The following FAM13B variants were observed in gnomAD, a reference collection of about 807,000 sequenced individuals.
FAM13B encodes family with sequence similarity 13 member B.
FAM13B carries 60 observed loss-of-function variants against 117.3 expected under a neutral mutation model. That is an observed-to-expected ratio of 0.51 (90% confidence interval 0.42 to 0.63). The LOEUF is 0.63. Among genes scored for constraint, FAM13B ranks in the 30% least tolerant of loss-of-function variants. The pLI, the probability that FAM13B is intolerant of heterozygous loss-of-function variation, is 0.00. For missense variants in FAM13B, 972 were observed against 1,091.9 expected (o/e 0.89, Z 1.55); for synonymous variants, 332 against 356.1 (o/e 0.93, Z 0.76).
intron 10 of FAM13B, among the ~76,000 whole-genome samples, chr5:137,965,032 G>C (rs1225597622): frequency 2.0e-5 from 3 of 152,104 alleles, no homozygotes; most frequent in African/African-American, 7.2e-5. Context: ...AGGTGCAGTA[G>C]TGTGCGCCTG....
In FAM13B at chr5:137,940,072, A is replaced by G. The variant is rs1338290323; in HGVS notation, c.*153T>C. On this transcript the variant is annotated 3_prime_UTR_variant, in exon 24 of 24. Coordinates refer to ENST00000689681, the MANE Select transcript of FAM13B (RefSeq NM_001385994.1). ...CTTGAGAGGGCCTACTTACTCTCCC[A>G]TCATTTGTTTTGTTTAGTGGCACCA... 1.2e-6 allele frequency: 2 copies of G among 1,614,102 alleles called. No homozygotes were observed. Among genetic ancestry groups the G allele is most frequent in the Non-Finnish European group, 1.7e-6 (2 of 1,179,966 alleles).
chr5:138,001,495 G>T (rs1227468568), intron 7 of FAM13B, among the ~76,000 whole-genome samples: 2 of 152,130 alleles, frequency 1.3e-5, no homozygotes, highest in Non-Finnish European at 2.9e-5. Context: ...GAACATTCAA[G>T]AAAATTCCAT....
chr5:137,940,884 G>GA (rs1761527073), intron 23 of FAM13B, among the ~76,000 whole-genome samples: 1 of 152,036 alleles, frequency 6.6e-6, no homozygotes, highest in African/African-American at 2.4e-5. Context: ...TAGACACTTG[G>GA]AAAAATGCAT....
chr5:137,963,252 A>G (rs143358996), intron 10 of FAM13B, among the ~76,000 whole-genome samples: 1 of 152,360 alleles, frequency 6.6e-6, no homozygotes, highest in Admixed American at 6.5e-5. Flanking sequence ...TGCTTCAACA[A>G]AACAATGTAA....
chr5:138,025,311 GT>G (rs1788034540), intron 1 of FAM13B, among the ~76,000 whole-genome samples: 1 of 19,610 alleles, frequency 5.1e-5, no homozygotes, highest in South Asian at 1.7e-3. Flanking sequence ...ATATATATAT[GT>G]ATTTTTTTTT....
chr5:138,002,631 C>G (rs1220479831), intron 7 of FAM13B, among the ~76,000 whole-genome samples: 1 of 150,042 alleles, frequency 6.7e-6, no homozygotes, highest in Non-Finnish European at 1.5e-5. Flanking sequence ...ATCATTCTTT[C>G]TGAAAGGCTG....
At chr5:137,983,743 T>C (rs1291749084) in intron 10 of FAM13B, among the ~76,000 whole-genome samples, 1 of 152,208 alleles carries the variant, frequency 6.6e-6, no homozygotes, top group Admixed American at 6.5e-5. Context: ...TTTTATAATA[T>C]GTTCACATCT....
rs1561527102 is a variant in FAM13B at position 138,011,151 on chromosome 5, TAAG to T, written c.549-5_549-3del. ...ATGTCTTCCACATCTGTGTAAATGCTAAGAATAGAAGTCCAAATTGAATTGAGA... is the reference window on the plus strand; with the variant it reads ...ATGTCTTCCACATCTGTGTAAATGCTAATAGAAGTCCAAATTGAATTGAGA... On this transcript the variant is annotated splice_region_variant and splice_polypyrimidine_tract_variant and intron_variant, in intron 5 of 23. Coordinates refer to ENST00000689681, the MANE Select transcript of FAM13B (RefSeq NM_001385994.1). The T allele has an allele frequency of 1.9e-6, 3 of 1,598,720 alleles. No individual in the cohort carries two copies. The highest frequency in any genetic ancestry group is 1.8e-5 in the Admixed American group (1 of 55,222).
rs892865045 is a variant in FAM13B at position 138,011,217 on chromosome 5, C to A, written c.549-68G>T. On this transcript the variant is annotated intron_variant, in intron 5 of 23. Coordinates refer to ENST00000689681, the MANE Select transcript of FAM13B (RefSeq NM_001385994.1). ...ATCACAGGTAAAGGTAGAAGACAAC[C>A]AATGAGATACTTTATGAACATGGGC... is the stretch of plus-strand genomic sequence containing the variant. 5 of 1,420,046 alleles carry A rather than the reference C, an allele frequency of 3.5e-6. No individual in the cohort carries two copies. In the African/African-American group the frequency reaches 5.9e-5, roughly 17 times the overall value. The allele number at this position is 1,420,046 out of a possible 1,614,324, so 88.0% of individuals were successfully genotyped here. A position where few individuals can be genotyped will look rare whatever the true frequency, so the allele number is the denominator to read the frequency against.
chr5:137,975,504 A>T (rs745595731), intron 10 of FAM13B, among the ~76,000 whole-genome samples: 2 of 151,670 alleles, frequency 1.3e-5, no homozygotes, highest in African/African-American at 2.4e-5. Context: ...TGGTTCTCAA[A>T]CATCTGGTGA....
intron 17 of FAM13B, among the ~76,000 whole-genome samples, chr5:137,951,253 C>T (rs1581067000): frequency 7.9e-6 from 1 of 125,874 alleles, no homozygotes; most frequent in Admixed American, 8.3e-5. Flanking sequence ...GAGAGGCAAA[C>T]ATTATCTTAA....
intron 1 of FAM13B, among the ~76,000 whole-genome samples, chr5:138,030,792 G>A (rs1789732003): frequency 1.3e-5 from 2 of 148,914 alleles, no homozygotes; most frequent in African/African-American, 5.0e-5. Flanking sequence ...CCAGCACTTT[G>A]GGAGGCAGAA....
At position 137,940,270 on chromosome 5, in the gene FAM13B, A is replaced by G. The variant is rs150345519; in HGVS notation, c.2769T>C (p.Leu923=). 2 of 1,613,804 alleles carry G rather than the reference A, an allele frequency of 1.2e-6. No homozygotes were observed. The highest frequency in any genetic ancestry group is 1.7e-6 in the Non-Finnish European group (2 of 1,179,822). Reference sequence around the variant, plus strand: ...CTTGTTTGCTTATAAGAACTTCAAGAAGCCTAAGCTTGGCTTTAATTTTCT... The same window carrying G: ...CTTGTTTGCTTATAAGAACTTCAAGGAGCCTAAGCTTGGCTTTAATTTTCT... ...EYKKIKAKLR[L]LEVLISKQDS... Residue 923 remains leucine (L), a synonymous_variant, in exon 24 of 24, where the codon CTT becomes CTC. Coordinates refer to ENST00000689681, the MANE Select transcript of FAM13B (RefSeq NM_001385994.1).
intron 10 of FAM13B, among the ~76,000 whole-genome samples, chr5:137,973,482 G>A (rs533391326): frequency 2.6e-5 from 4 of 152,122 alleles, no homozygotes; most frequent in Admixed American, 1.3e-4. Context: ...AGACTTAAAC[G>A]TTAGACCTAA....
chr5:137,970,030 C>T (rs1034546544), intron 10 of FAM13B, among the ~76,000 whole-genome samples: 6 of 152,158 alleles, frequency 3.9e-5, no homozygotes, highest in African/African-American at 1.4e-4. Flanking sequence ...AGTTGGAAAA[C>T]ATTCTGCAGG....
At chr5:138,033,097 C>G, upstream of FAM13B, 1 of 970,002 alleles carries the variant, frequency 1.0e-6, no homozygotes, top group Non-Finnish European at 1.2e-6. Context: ...GGAGGCCGGG[C>G]CGGACGTGAC....
intron 1 of FAM13B, among the ~76,000 whole-genome samples, chr5:138,044,309 T>C (rs1448092082): frequency 6.6e-6 from 1 of 152,088 alleles, no homozygotes; most frequent in African/African-American, 2.4e-5. Flanking sequence ...CCCAGCACTT[T>C]GGGAGGCCAA....
chr5:137,994,434 G>A (rs990223572), intron 7 of FAM13B, among the ~76,000 whole-genome samples: 2 of 152,022 alleles, frequency 1.3e-5, no homozygotes, highest in Admixed American at 6.6e-5. Context: ...AATCCTGTGG[G>A]TAAAAAGCCC....
intron 20 of FAM13B, among the ~76,000 whole-genome samples, chr5:137,943,744 C>CAA (rs61473240): frequency 2.2e-4 from 33 of 148,954 alleles, no homozygotes; most frequent in African/African-American, 6.6e-4. Context: ...GACTCTGCCT[C>CAA]AAAAAAAAAA....
Sources: gnomAD v4.1 joint callset for allele counts (sites outside exome capture counted in the v4.1 genomes callset) on GRCh38, gnomAD v4.1.1 for gene constraint, MANE v1.5 for transcripts, NCBI Gene and HGNC (gene_info 2026-07-23, HGNC 2026-07-21) for gene names.